AAK1: variants seen among roughly 807,000 people sequenced by gnomAD.
AAK1 encodes AP2 associated kinase 1, also known as AP2-associated protein kinase 1.
In AAK1, 37 loss-of-function variants were observed where a neutral mutation model predicts 116.0. The observed-to-expected ratio is 0.32, with a 90% CI of 0.25 to 0.42. AAK1 has a LOEUF of 0.42. Among genes scored for constraint, AAK1 ranks in the 10% least tolerant of loss-of-function variants. The pLI, the probability that AAK1 is intolerant of heterozygous loss-of-function variation, is 1.00. For missense variants in AAK1, 919 were observed against 1,170.6 expected, an observed-to-expected ratio of 0.79 and a Z score of 3.14; for synonymous variants, 458 against 439.9, an observed-to-expected ratio of 1.04 and a Z score of -0.51.
intron 2 of AAK1, among the ~76,000 whole-genome samples, chr2:69,578,784 A>C (rs1232823756): frequency 6.6e-6 from 1 of 151,910 alleles, no homozygotes; most frequent in Non-Finnish European, 1.5e-5. Flanking sequence ...TCATAAAAAG[A>C]AACAAAAATC....
rs758372605 is a variant in AAK1, at chr2:69,476,885, G to A, written c.2786C>T (p.Pro929Leu). Residue 929 changes from proline (P) to leucine (L), a missense_variant, in exon 21 of 22, where the codon CCA becomes CTA. This residue lies in a region of AAK1 where 263 missense variants were observed against 285.5 expected (regional missense o/e 0.92). Transcript: ENST00000409085. ...TTCCCCATCCTTTTTCTTACCTTGT[G>A]GGTTTTTGGTTATCAATACAGGAAT... is the stretch of plus-strand genomic sequence containing the variant. ...DPIPVLITKN[P>L]QGGHSRNSSG... The A allele has an allele frequency of 8.7e-6, 14 of 1,612,284 alleles. 1 individual carries two copies. In the South Asian group the frequency reaches 1.4e-4, roughly 16 times the overall value.
chr2:69,498,033 C>A (rs377647393), intron 16 of AAK1, among the ~76,000 whole-genome samples: 2 of 150,536 alleles, frequency 1.3e-5, no homozygotes, highest in Admixed American at 1.3e-4. Flanking sequence ...CCCCACCCCA[C>A]CCCACTCATG....
Position 69,469,452 on chromosome 2 carries a change from C to A in AAK1, c.*6417G>T. On this transcript the variant is annotated 3_prime_UTR_variant, in exon 22 of 22. Transcript: ENST00000409085. ...AAATGTGTTTTCAGGGTGAACAGTTCCTTTATATGAAGGTAGCATTGTGTC... is the reference window on the plus strand; with the variant it reads ...AAATGTGTTTTCAGGGTGAACAGTTACTTTATATGAAGGTAGCATTGTGTC... 2 of 985,372 alleles carry A rather than the reference C, an allele frequency of 2.0e-6. No individual in the cohort carries two copies. The highest frequency in any genetic ancestry group is 2.4e-6 in the Non-Finnish European group (2 of 829,926). 61.0% of individuals were successfully genotyped at this position (985,372 alleles called of 1,614,324 possible).
chr2:69,525,923 G>A (rs985048573), intron 9 of AAK1, among the ~76,000 whole-genome samples: 6 of 152,148 alleles, frequency 3.9e-5, no homozygotes, highest in East Asian at 1.9e-4. Flanking sequence ...AGTATCCCTC[G>A]TTTTAATCTG....
At chr2:69,606,532 G>GA (rs1479815425) in intron 2 of AAK1, among the ~76,000 whole-genome samples, 1 of 152,198 alleles carries the variant, frequency 6.6e-6, no homozygotes, top group African/African-American at 2.4e-5. Context: ...TAGGTCACTT[G>GA]AAAACATTTT....
chr2:69,509,611 A>G (rs1298101107), intron 13 of AAK1, 151 bp from the exon 14 acceptor site: 1 of 665,574 alleles, frequency 1.5e-6, no homozygotes, highest in Admixed American at 3.0e-5. Flanking sequence ...AATGCCCAGA[A>G]AGAAAAATCC....
chr2:69,556,668 T>C (rs1447858799), intron 3 of AAK1, among the ~76,000 whole-genome samples, 192 bp downstream of exon 3: 3 of 152,190 alleles, frequency 2.0e-5, no homozygotes, highest in Non-Finnish European at 4.4e-5. Context: ...AAAATGCTTT[T>C]TCCTCTGCCC....
At position 69,519,142 on chromosome 2, in the gene AAK1, G is replaced by C; in HGVS notation, c.1309C>G (p.Gln437Glu). Residue 437 changes from glutamine (Q) to glutamate (E), a missense_variant, in exon 12 of 22, where the codon CAG becomes GAG. By Grantham distance (29) the Gln-to-Glu change is conservative. This residue lies in a region of AAK1 where 214 missense variants were observed against 210.6 expected (regional missense o/e 1.02). Coordinates refer to ENST00000409085, the MANE Select transcript of AAK1 (RefSeq NM_014911.5). ...GTCTGCTGTGGAGTGGGAGGAGCCT[G>C]TGGCTGCTTGGCCTGAGTTTGCGGC... The part of the protein sequence containing the change: ...PLPQTQAKQP[Q>E]APPTPQQTPS... 6.4e-7 allele frequency: 1 copy of C among 1,571,896 alleles called. No homozygotes were observed. The highest frequency in any genetic ancestry group is 8.6e-7 in the Non-Finnish European group (1 of 1,157,874).
intron 2 of AAK1, among the ~76,000 whole-genome samples, chr2:69,579,303 G>A (rs938139615): frequency 6.6e-6 from 1 of 152,202 alleles, no homozygotes; most frequent in African/African-American, 2.4e-5. Flanking sequence ...TTTCCAGCCA[G>A]GCCTGGTGGC....
intron 2 of AAK1, among the ~76,000 whole-genome samples, chr2:69,635,639 A>C (rs1377354428): frequency 6.6e-6 from 1 of 152,248 alleles, no homozygotes; most frequent in Admixed American, 6.5e-5. Flanking sequence ...ATGGTACAAA[A>C]CAAATGAACC....
At chr2:69,548,528 T>TTC (rs886580898) in intron 3 of AAK1, among the ~76,000 whole-genome samples, 1 of 151,358 alleles carries the variant, frequency 6.6e-6, no homozygotes, top group East Asian at 1.9e-4. Context: ...CCTTCCTTCT[T>TTC]TCTCTCTCTC....
chr2:69,608,129 C>G (rs1044462040), intron 2 of AAK1, among the ~76,000 whole-genome samples: 10 of 152,154 alleles, frequency 6.6e-5, no homozygotes, highest in African/African-American at 2.4e-4. Flanking sequence ...TGTGTCCTGG[C>G]AATAAATGCA....
intron 3 of AAK1, among the ~76,000 whole-genome samples, chr2:69,551,048 GTTTT>G (rs201943594): frequency 6.7e-6 from 1 of 148,636 alleles, no homozygotes; most frequent in Non-Finnish European, 1.5e-5. Flanking sequence ...TGCTTCCTGT[GTTTT>G]TTTTTCAGGC....
intron 2 of AAK1, among the ~76,000 whole-genome samples, chr2:69,634,503 T>C (rs922527205): frequency 1.3e-5 from 2 of 152,228 alleles, no homozygotes; most frequent in African/African-American, 4.8e-5. Context: ...GCATCTCATA[T>C]GTTCTCTGTC....
Position 69,466,553 on chromosome 2 carries a change from T to C in AAK1, c.*9316A>G, listed in dbSNP as rs1281112815. 2 of 1,182,252 alleles carry C rather than the reference T, an allele frequency of 1.7e-6. No homozygotes were observed. Among genetic ancestry groups the C allele is most frequent in the African/African-American group, 1.6e-5 (1 of 62,478 alleles). The allele number at this position is 1,182,252 out of a possible 1,614,324, so 73.2% of individuals were successfully genotyped here. ...AGGGATTGGACTCCCTCTGGAGATC[T>C]AGAAAAGCATAAAATGCAGAATTAA... On this transcript the variant is annotated 3_prime_UTR_variant, in exon 22 of 22. Transcript: ENST00000409085.
chr2:69,499,100 C>T (rs1285479810), intron 16 of AAK1, among the ~76,000 whole-genome samples: 2 of 152,176 alleles, frequency 1.3e-5, no homozygotes, highest in Non-Finnish European at 2.9e-5. Flanking sequence ...CAGTGACTGG[C>T]ACACTGAACT....
rs1281620841 is a variant in AAK1, at chr2:69,602,238, C to T, written c.163+40640G>A. Among the ~76,000 whole-genome samples, 4 of 152,064 alleles carry T rather than the reference C, an allele frequency of 2.6e-5. 1 individual carries two copies. The highest frequency in any genetic ancestry group is 2.1e-4 in the South Asian group (1 of 4,828). On this transcript the variant is annotated intron_variant, in intron 2 of 21. Transcript: ENST00000409085. ...TTTGATCCCAGATTAAATCCTGAAC[C>T]GAAGGAAAATGTTTTTCTTTTGCTA...
intron 2 of AAK1, among the ~76,000 whole-genome samples, chr2:69,581,628 C>T (rs1332285874): frequency 6.6e-6 from 1 of 152,100 alleles, no homozygotes; most frequent in South Asian, 2.1e-4. Flanking sequence ...TAAAAATGTA[C>T]ATTTATGATA....
Position 69,468,905 on chromosome 2 carries a change from A to G in AAK1, c.*6964T>C, listed in dbSNP as rs1049647292. 4 of 985,446 alleles carry G rather than the reference A, an allele frequency of 4.1e-6. No individual in the cohort carries two copies. Among genetic ancestry groups the G allele is most frequent in the Non-Finnish European group, 4.8e-6 (4 of 829,932 alleles). The allele number at this position is 985,446 out of a possible 1,614,324, so 61.0% of individuals were successfully genotyped here. On this transcript the variant is annotated 3_prime_UTR_variant, in exon 22 of 22. Coordinates refer to ENST00000409085, the MANE Select transcript of AAK1 (RefSeq NM_014911.5). ...TGGAAAACCTTCCAACTCAGAGCAT[A>G]TTCTATGACCTTCATGATGAGTACT...
Sources: gnomAD v4.1 joint callset for allele counts (sites outside exome capture counted in the v4.1 genomes callset) on GRCh38, gnomAD v4.1.1 for gene constraint, gnomAD v4.1.1 regional missense constraint, MANE v1.5 for transcripts, NCBI Gene and HGNC (gene_info 2026-07-23, HGNC 2026-07-21) for gene names.